Variants in CMTM8 observed in about 807,000 individuals in gnomAD.
CMTM8 encodes the protein CKLF like MARVEL transmembrane domain containing 8.
CMTM8 carries 12 observed loss-of-function variants against 18.6 expected under a neutral mutation model. The ratio of observed to expected loss-of-function variants is 0.65; its 90% CI spans 0.41 to 1.05. The LOEUF is 1.05. CMTM8 is among the 50% of genes least tolerant of loss of function. The probability of loss-of-function intolerance (pLI) is 0.00; values close to 1 mark genes in which losing one functional copy is unlikely to be tolerated. For missense variants in CMTM8, 217 were observed against 227.2 expected (o/e 0.95, Z 0.29); for synonymous variants, 87 against 90.6 (o/e 0.96, Z 0.23).
At chr3:32,270,048 A>G (rs1702413079) in intron 1 of CMTM8, among the ~76,000 whole-genome samples, 1 of 151,828 alleles carries the variant, frequency 6.6e-6, no homozygotes, top group African/African-American at 2.4e-5. Flanking sequence ...TGTTGGGATT[A>G]CAGGCATGAG....
intron 1 of CMTM8, among the ~76,000 whole-genome samples, chr3:32,351,534 C>T (rs1483320036): frequency 6.6e-6 from 1 of 151,900 alleles, no homozygotes; most frequent in Non-Finnish European, 1.5e-5. Flanking sequence ...ATAGCGAGAC[C>T]TCATCTCTAC....
chr3:32,317,010 G>C (rs1406604199), intron 1 of CMTM8, among the ~76,000 whole-genome samples: 1 of 152,218 alleles, frequency 6.6e-6, no homozygotes. Context: ...TATTGGAAGT[G>C]TCTTGGGATC....
rs1695620830 is a variant in CMTM8 at position 32,370,203 on chromosome 3, C to T, written c.*236C>T. 3 of 226,010 alleles carry T rather than the reference C, an allele frequency of 1.3e-5. No individual in the cohort carries two copies. The Admixed American group carries it at 1.7e-4, about 13-fold the overall frequency. 14.0% of individuals were successfully genotyped at this position (226,010 alleles called of 1,614,324 possible). A position where few individuals can be genotyped will look rare whatever the true frequency, so the allele number is the denominator to read the frequency against. On this transcript the variant is annotated 3_prime_UTR_variant, in exon 4 of 4. Coordinates refer to ENST00000307526, the MANE Select transcript of CMTM8 (RefSeq NM_178868.5). Reference sequence around the variant, plus strand: ...TTAATGTATTAATGTCTTCATAGATCATATTTTCTTAGACAATGTTTAAAT... The same window carrying T: ...TTAATGTATTAATGTCTTCATAGATTATATTTTCTTAGACAATGTTTAAAT...
chr3:32,351,524 A>G (rs538947327), intron 1 of CMTM8, among the ~76,000 whole-genome samples: 1 of 152,204 alleles, frequency 6.6e-6, no homozygotes, highest in East Asian at 1.9e-4. Flanking sequence ...CCTGGGCAAC[A>G]TAGCGAGACC....
chr3:32,335,163 T>C (rs1658419394), intron 1 of CMTM8, among the ~76,000 whole-genome samples: 1 of 152,182 alleles, frequency 6.6e-6, no homozygotes, highest in South Asian at 2.1e-4. Context: ...CCGTCAGAGA[T>C]GGAAGGAAGG....
At chr3:32,324,385 C>T (rs947259416) in intron 1 of CMTM8, among the ~76,000 whole-genome samples, 3 of 152,192 alleles carry the variant, frequency 2.0e-5, no homozygotes, top group African/African-American at 7.2e-5. Flanking sequence ...GCCTTTCCTT[C>T]CAAAAGAGAA....
chr3:32,331,648 A>G (rs989045057), intron 1 of CMTM8, among the ~76,000 whole-genome samples: 4 of 152,192 alleles, frequency 2.6e-5, no homozygotes, highest in Non-Finnish European at 5.9e-5. Flanking sequence ...ATGCACATCA[A>G]CAGATTAATG....
At chr3:32,284,899 T>G (rs988870605) in intron 1 of CMTM8, among the ~76,000 whole-genome samples, 1 of 152,144 alleles carries the variant, frequency 6.6e-6, no homozygotes, top group African/African-American at 2.4e-5. Context: ...TCAAGAAAAT[T>G]GGGAGAAATG....
At chr3:32,268,710 G>C (rs990846195) in intron 1 of CMTM8, among the ~76,000 whole-genome samples, 7 of 152,106 alleles carry the variant, frequency 4.6e-5, no homozygotes, top group African/African-American at 1.4e-4. Flanking sequence ...CAGCTTTGTA[G>C]GTAGAGTGGG....
intron 1 of CMTM8, among the ~76,000 whole-genome samples, chr3:32,309,704 G>A (rs902693662): frequency 9.9e-5 from 15 of 152,244 alleles, no homozygotes; most frequent in African/African-American, 2.9e-4. Flanking sequence ...CTCAAAGTCG[G>A]TCATGCTTTC....
At chr3:32,367,742 C>T (rs1471256034) in intron 2 of CMTM8, 130 bp from the exon 3 acceptor site, 4 of 618,432 alleles carry the variant, frequency 6.5e-6, no homozygotes, top group Admixed American at 2.3e-5. Context: ...ACAGCCTTCT[C>T]CCCCACCCTC....
chr3:32,292,642 A>T (rs78202436), intron 1 of CMTM8, among the ~76,000 whole-genome samples: 2,222 of 152,034 alleles, frequency 0.015, 60 homozygotes, highest in African/African-American at 0.05. Flanking sequence ...TTAGGCCCGG[A>T]TTTCTCAACC....
At chr3:32,330,514 TAAAAC>T (rs1696253737) in intron 1 of CMTM8, among the ~76,000 whole-genome samples, 1 of 152,002 alleles carries the variant, frequency 6.6e-6, no homozygotes, top group African/African-American at 2.4e-5. Flanking sequence ...TATATGTATA[TAAAAC>T]AAAGCTACAG....
intron 1 of CMTM8, among the ~76,000 whole-genome samples, chr3:32,244,772 T>G (rs1701989156): frequency 6.6e-6 from 1 of 152,200 alleles, no homozygotes; most frequent in African/African-American, 2.4e-5. Flanking sequence ...AGCAATCTTT[T>G]TCTTTGTCTG....
At chr3:32,266,071 A>G (rs1192450112) in intron 1 of CMTM8, among the ~76,000 whole-genome samples, 1 of 152,228 alleles carries the variant, frequency 6.6e-6, no homozygotes, top group African/African-American at 2.4e-5. Context: ...TCCAATCAAT[A>G]GAAAAAGAGG....
intron 1 of CMTM8, among the ~76,000 whole-genome samples, chr3:32,302,538 G>C (rs993941044): frequency 4.6e-5 from 7 of 152,116 alleles, no homozygotes; most frequent in African/African-American, 1.7e-4. Context: ...AAGGCGATTG[G>C]CCCCCTGACA....
At chr3:32,273,914 G>A (rs1702478827) in intron 1 of CMTM8, among the ~76,000 whole-genome samples, 1 of 152,114 alleles carries the variant, frequency 6.6e-6, no homozygotes, top group Non-Finnish European at 1.5e-5. Flanking sequence ...AACTCTCAGG[G>A]TGGAAACTGG....
At chr3:32,315,700 A>G (rs1417796644) in intron 1 of CMTM8, among the ~76,000 whole-genome samples, 2 of 152,188 alleles carry the variant, frequency 1.3e-5, no homozygotes, top group African/African-American at 4.8e-5. Flanking sequence ...AGCTTTTCCC[A>G]GATTTGACCA....
At chr3:32,324,160 T>G (rs1696112332) in intron 1 of CMTM8, among the ~76,000 whole-genome samples, 1 of 152,228 alleles carries the variant, frequency 6.6e-6, no homozygotes, top group Non-Finnish European at 1.5e-5. Context: ...TCTTTCACAA[T>G]TATCAGACTT....
Sources: gnomAD v4.1 joint callset for allele counts (sites outside exome capture counted in the v4.1 genomes callset) on GRCh38, gnomAD v4.1.1 for gene constraint, MANE v1.5 for transcripts, NCBI Gene and HGNC (gene_info 2026-07-23, HGNC 2026-07-21) for gene names.